Variants in NRG4 observed in about 807,000 individuals in gnomAD.
NRG4 encodes the protein pro-neuregulin-4, membrane-bound isoform.
In NRG4, 10 loss-of-function variants were observed where a neutral mutation model predicts 15.0. The ratio of observed to expected loss-of-function variants is 0.67; its 90% confidence interval spans 0.41 to 1.13. The LOEUF is 1.13. NRG4 is among the 50% of genes most tolerant of loss of function. The pLI is 0.00. For missense variants in NRG4, 139 were observed against 140.2 expected (o/e 0.99, Z 0.04); for synonymous variants, 41 against 50.1 (o/e 0.82, Z 0.77).
intron 4 of NRG4, among the ~76,000 whole-genome samples, chr15:75,959,724 C>T (rs1042304864): frequency 2.0e-5 from 3 of 151,956 alleles, no homozygotes; most frequent in African/African-American, 7.3e-5. Context: ...TGGTCTCAAA[C>T]TCCTGGGCTC....
At chr15:75,945,396 G>A (rs1246932110) in intron 5 of NRG4, among the ~76,000 whole-genome samples, 3 of 151,358 alleles carry the variant, frequency 2.0e-5, no homozygotes, top group Admixed American at 2.0e-4. Context: ...GATTACAGGC[G>A]CCCGCCACTA....
At position 76,049,716 on chromosome 15, in the gene NRG4, T is replaced by A. The variant is rs953700259; in HGVS notation, c.-105+2351A>T. Among the ~76,000 whole-genome samples, 3 of 151,024 alleles carry A rather than the reference T, an allele frequency of 2.0e-5. No homozygotes were observed. In the East Asian group the frequency reaches 5.8e-4, roughly 29 times the overall value. On this transcript the variant is annotated intron_variant, in intron 4 of 8. Transcript: ENST00000563910. ...AGTAGAAAGAACAACAGCCCTTTCCTTGCTCCTACATGAGATTTTCAGATT... is the reference window on the plus strand; with the variant it reads ...AGTAGAAAGAACAACAGCCCTTTCCATGCTCCTACATGAGATTTTCAGATT...
chr15:75,950,526 C>A, intron 5 of NRG4: 1 of 237,062 alleles, frequency 4.2e-6, no homozygotes, highest in Non-Finnish European at 9.4e-6. Flanking sequence ...CCTCATCCCC[C>A]AGCTCCAGGT....
chr15:75,982,408 C>T (rs1202428993), intron 3 of NRG4, among the ~76,000 whole-genome samples: 1 of 152,064 alleles, frequency 6.6e-6, no homozygotes, highest in Non-Finnish European at 1.5e-5. Context: ...TGTAAAAAAG[C>T]ATTCGATAAA....
intron 3 of NRG4, among the ~76,000 whole-genome samples, chr15:75,963,866 C>A (rs1356945855): frequency 2.0e-5 from 3 of 151,900 alleles, no homozygotes; most frequent in Non-Finnish European, 4.4e-5. Context: ...TCGCTTAAGC[C>A]TAGGACTTTG....
chr15:75,987,879 G>A (rs527771923), intron 3 of NRG4, among the ~76,000 whole-genome samples: 2 of 152,272 alleles, frequency 1.3e-5, no homozygotes, highest in East Asian at 3.9e-4. Flanking sequence ...CTATCTAGAT[G>A]CTTCAATAAT....
intron 3 of NRG4, among the ~76,000 whole-genome samples, chr15:75,967,845 A>G (rs182214689): frequency 1.3e-3 from 197 of 152,352 alleles, no homozygotes; most frequent in African/African-American, 4.6e-3. Flanking sequence ...TAAATGAACT[A>G]CATGTTGTGT....
chr15:76,016,576 G>C (rs961823787), upstream of NRG4, among the ~76,000 whole-genome samples: 1 of 152,102 alleles, frequency 6.6e-6, no homozygotes, highest in Non-Finnish European at 1.5e-5. Flanking sequence ...CTTTATTTCT[G>C]CCTTAATTTC....
intron 5 of NRG4, among the ~76,000 whole-genome samples, chr15:76,029,372 G>A (rs1336222129): frequency 6.6e-6 from 1 of 152,036 alleles, no homozygotes; most frequent in Admixed American, 6.6e-5. Flanking sequence ...AGAAGACAAA[G>A]ATGCCCACTC....
chr15:76,044,261 CA>C lies in NRG4; in HGVS notation c.-105+7805del, dbSNP rs571245852. On this transcript the variant is annotated intron_variant, in intron 4 of 8. Transcript: ENST00000563910. ...TCATGATCCACCCGCCTCGGCCTCC[CA>C]AAGTGCTGGGATTACAGGCGTGAGC... Among the ~76,000 whole-genome samples the C allele has an allele frequency of 2.1e-3, 319 of 150,808 alleles. 4 individuals carry two copies. Among genetic ancestry groups the C allele is most frequent in the Middle Eastern group, 0.014 (4 of 294 alleles).
rs1265249571 is a variant in NRG4, at chr15:75,942,034, C to CT, written c.*1603dup. ...TATTTAGTCACAAGACATAGAGGAA[C>CT]TTTAAGTGTATATTGCTAAGTGAAA... On this transcript the variant is annotated 3_prime_UTR_variant, in exon 6 of 6. Coordinates refer to ENST00000394907, the MANE Select transcript of NRG4 (RefSeq NM_138573.4). 1 of 134,636 alleles carries CT rather than the reference C, an allele frequency of 7.4e-6. No homozygotes were observed. Among genetic ancestry groups the CT allele is most frequent in the Non-Finnish European group, 1.5e-5 (1 of 65,260 alleles). The allele number at this position is 134,636 out of a possible 1,614,324, so 8.3% of individuals were successfully genotyped here.
chr15:75,949,277 G>A (rs1323996452), intron 5 of NRG4, among the ~76,000 whole-genome samples: 2 of 151,874 alleles, frequency 1.3e-5, no homozygotes, highest in Non-Finnish European at 2.9e-5. Context: ...CAGGTGTAGT[G>A]GCACATGTGT....
At chr15:76,011,739 T>C (rs1291343482) in intron 1 of NRG4, among the ~76,000 whole-genome samples, 2 of 152,178 alleles carry the variant, frequency 1.3e-5, no homozygotes, top group Non-Finnish European at 2.9e-5. Flanking sequence ...CAAACCTTTC[T>C]TCTAAAAAAT....
chr15:75,953,969 G>C (rs560846352), intron 5 of NRG4, among the ~76,000 whole-genome samples: 2 of 152,012 alleles, frequency 1.3e-5, no homozygotes, highest in Non-Finnish European at 2.9e-5. Flanking sequence ...TTACAGGCGT[G>C]AGCCAGAGTG....
At chr15:75,959,628 G>T (rs983316925) in intron 4 of NRG4, among the ~76,000 whole-genome samples, 1 of 151,914 alleles carries the variant, frequency 6.6e-6, no homozygotes, top group Non-Finnish European at 1.5e-5. Flanking sequence ...CCGAGTAGTT[G>T]GGAATACAGA....
In NRG4 at chr15:75,942,730, C is replaced by G. The variant is rs1278520261; in HGVS notation, c.*908G>C. On this transcript the variant is annotated 3_prime_UTR_variant, in exon 6 of 6. Transcript: ENST00000394907. ...GGCTGTTAGGTTTGGCCGGTGCATG[C>G]CCTTCTGCCTAAGCCATTTACCAGC... is the stretch of plus-strand genomic sequence containing the variant. 1.3e-5 allele frequency: 2 copies of G among 152,182 alleles called. No individual in the cohort carries two copies. Among genetic ancestry groups the G allele is most frequent in the Non-Finnish European group, 2.9e-5 (2 of 68,066 alleles). The allele number at this position is 152,182 out of a possible 1,614,324, so 9.4% of individuals were successfully genotyped here. A position where few individuals can be genotyped will look rare whatever the true frequency, so the allele number is the denominator to read the frequency against.
chr15:75,953,552 T>C (rs1165028927), intron 5 of NRG4, among the ~76,000 whole-genome samples: 1 of 152,344 alleles, frequency 6.6e-6, no homozygotes, highest in East Asian at 1.9e-4. Context: ...GTTTACTTTT[T>C]AAAATACATT....
intron 4 of NRG4, among the ~76,000 whole-genome samples, chr15:76,040,744 G>T (rs1186691028): frequency 6.6e-6 from 1 of 152,158 alleles, no homozygotes; most frequent in Non-Finnish European, 1.5e-5. Context: ...GGCCAACATG[G>T]TGAAGCCCTG....
At chr15:76,025,905 A>C (rs1447752916) in intron 5 of NRG4, among the ~76,000 whole-genome samples, 1 of 151,992 alleles carries the variant, frequency 6.6e-6, no homozygotes, top group African/African-American at 2.4e-5. Context: ...TGCAAGTGAG[A>C]GCATCAGTAA....
Sources: gnomAD v4.1 joint callset for allele counts (sites outside exome capture counted in the v4.1 genomes callset) on GRCh38, gnomAD v4.1.1 for gene constraint, MANE v1.5 for transcripts, NCBI Gene and HGNC (gene_info 2026-07-23, HGNC 2026-07-21) for gene names.